CSMD1: variants seen among roughly 807,000 people sequenced by gnomAD.
The protein encoded by CSMD1 is CUB and Sushi multiple domains 1, also known as CUB and sushi domain-containing protein 1.
A neutral mutation model predicts 417.5 loss-of-function variants in CSMD1; 213 were observed. The ratio of observed to expected loss-of-function variants is 0.51; its 90% CI spans 0.46 to 0.57. The LOEUF (loss-of-function observed/expected upper bound fraction) is 0.57. CSMD1 is among the 20% of genes least tolerant of loss of function. CSMD1 has a pLI of 0.00. For synonymous variants in CSMD1, 2,862 were observed against 1,736.8 expected (o/e 1.65, Z -16.11); for missense variants, 6,923 against 4,529.7 (o/e 1.53, Z -15.17).
intron 3 of CSMD1, among the ~76,000 whole-genome samples, chr8:4,146,758 C>T (rs1001429359): frequency 6.7e-6 from 1 of 149,402 alleles, no homozygotes; most frequent in Non-Finnish European, 1.5e-5. Flanking sequence ...ACTACAGGCG[C>T]CCGGCACCAG....
intron 3 of CSMD1, among the ~76,000 whole-genome samples, chr8:4,269,245 T>G (rs957355521): frequency 6.6e-6 from 1 of 152,064 alleles, no homozygotes; most frequent in Admixed American, 6.6e-5. Context: ...TTAGCAGAGA[T>G]GAGGTTTCAC....
At chr8:4,933,865 A>G (rs1251645029) in intron 1 of CSMD1, among the ~76,000 whole-genome samples, 1 of 152,228 alleles carries the variant, frequency 6.6e-6, no homozygotes, top group Non-Finnish European at 1.5e-5. Context: ...ACAAAGATAC[A>G]TTGAGGCAGA....
intron 7 of CSMD1, among the ~76,000 whole-genome samples, chr8:3,687,439 T>C (rs1799996885): frequency 6.6e-6 from 1 of 152,196 alleles, no homozygotes. Context: ...TCAAATAAAT[T>C]ATGGAAGCAG....
intron 68 of CSMD1, among the ~76,000 whole-genome samples, chr8:2,943,179 G>A (rs1802005921): frequency 6.6e-6 from 1 of 151,530 alleles, no homozygotes; most frequent in Admixed American, 6.6e-5. Flanking sequence ...TTTCCATGAA[G>A]ACACAAAATA....
At chr8:3,273,184 G>A (rs371727008) in intron 26 of CSMD1, among the ~76,000 whole-genome samples, 38,221 of 146,650 alleles carry the variant, frequency 0.26, 5,260 homozygotes, top group African/African-American at 0.32. Flanking sequence ...CGTCTATTGA[G>A]ATAATCATGT....
intron 5 of CSMD1, among the ~76,000 whole-genome samples, chr8:3,913,200 G>T (rs1298794332): frequency 1.3e-5 from 2 of 152,134 alleles, no homozygotes; most frequent in Non-Finnish European, 2.9e-5. Flanking sequence ...ATATTGGTTG[G>T]AGGTCAGAAC....
chr8:4,625,644 TA>T (rs796205250), intron 2 of CSMD1, among the ~76,000 whole-genome samples: 85 of 150,990 alleles, frequency 5.6e-4, no homozygotes, highest in African/African-American at 1.3e-3. Flanking sequence ...ATATTTAATC[TA>T]AAAAAAAATG....
intron 3 of CSMD1, among the ~76,000 whole-genome samples, chr8:4,310,467 G>C (rs1055617121): frequency 1.3e-5 from 2 of 152,214 alleles, no homozygotes; most frequent in African/African-American, 4.8e-5. Flanking sequence ...AACAGCATGC[G>C]TTATCTTTTA....
Position 3,348,140 on chromosome 8 carries a change from T to G in CSMD1, c.3326A>C (p.Lys1109Thr). Reference protein sequence around the residue: ...RCVAECGASVKGNEGTLLSPN... With the variant: ...RCVAECGASVTGNEGTLLSPN... Reference sequence around the variant, plus strand: ...AGACAGTAATGTTCCTTCATTTCCTTTGACACTTGCTCCACATTCGGCTAC... The same window carrying G: ...AGACAGTAATGTTCCTTCATTTCCTGTGACACTTGCTCCACATTCGGCTAC... Residue 1109 changes from lysine (K) to threonine (T), a missense_variant, in exon 22 of 70, where the codon AAA (lysine) becomes ACA (threonine). Physicochemically the swap from Lys to Thr is moderately conservative, Grantham distance 78. Coordinates refer to ENST00000635120, the MANE Select transcript of CSMD1 (RefSeq NM_033225.6). 1 of 1,612,384 alleles carries G rather than the reference T, an allele frequency of 6.2e-7. No homozygotes were observed. Among genetic ancestry groups the G allele is most frequent in the Non-Finnish European group, 8.5e-7 (1 of 1,179,204 alleles).
At chr8:4,560,006 CTG>C (rs1798258585) in intron 2 of CSMD1, among the ~76,000 whole-genome samples, 1 of 152,200 alleles carries the variant, frequency 6.6e-6, no homozygotes, top group Admixed American at 6.5e-5. Flanking sequence ...TCAAGAGAAA[CTG>C]TGGTCAGAAA....
chr8:3,750,233 G>T (rs760036897), intron 6 of CSMD1, among the ~76,000 whole-genome samples: 1 of 151,852 alleles, frequency 6.6e-6, no homozygotes, highest in African/African-American at 2.4e-5. Context: ...AATGATAAAC[G>T]TGACTACAAT....
At chr8:4,841,911 CAAAAAAAA>C (rs397757527) in intron 1 of CSMD1, among the ~76,000 whole-genome samples, 2 of 34,850 alleles carry the variant, frequency 5.7e-5, no homozygotes, top group African/African-American at 1.7e-4. Flanking sequence ...AACTCCGTCT[CAAAAAAAA>C]AAAAAAAAAA....
chr8:3,126,017 G>C (rs1359960367), intron 41 of CSMD1, among the ~76,000 whole-genome samples: 1 of 152,166 alleles, frequency 6.6e-6, no homozygotes, highest in Non-Finnish European at 1.5e-5. Context: ...ATCAACACAT[G>C]AAGAAATCTA....
intron 6 of CSMD1, among the ~76,000 whole-genome samples, chr8:3,738,522 T>C (rs1796637597): frequency 1.3e-5 from 2 of 152,318 alleles, no homozygotes; most frequent in South Asian, 4.1e-4. Context: ...GAAATGCAAA[T>C]ACTGGTCCTG....
At chr8:3,462,083 T>A (rs1210776624) in intron 12 of CSMD1, among the ~76,000 whole-genome samples, 2 of 150,038 alleles carry the variant, frequency 1.3e-5, no homozygotes, top group African/African-American at 4.9e-5. Context: ...CTGTATTTGA[T>A]CCCAAGGGCA....
intron 2 of CSMD1, among the ~76,000 whole-genome samples, chr8:4,506,199 A>G (rs758628652): frequency 1.2e-4 from 19 of 152,164 alleles, no homozygotes; most frequent in Non-Finnish European, 1.9e-4. Flanking sequence ...GGAAAAAATG[A>G]CAATTACTTT....
chr8:4,666,504 C>G (rs575448609), intron 1 of CSMD1, among the ~76,000 whole-genome samples: 82 of 152,294 alleles, frequency 5.4e-4, no homozygotes, highest in African/African-American at 1.8e-3. Flanking sequence ...TACTAAGACC[C>G]TCCAGAACGG....
chr8:4,093,864 G>A (rs1352090373), intron 3 of CSMD1, among the ~76,000 whole-genome samples: 1 of 152,120 alleles, frequency 6.6e-6, no homozygotes, highest in East Asian at 1.9e-4. Context: ...GGAGGCTGAG[G>A]CAGGAGAATC....
chr8:4,157,515 G>A (rs1011355433), intron 3 of CSMD1, among the ~76,000 whole-genome samples: 2 of 152,072 alleles, frequency 1.3e-5, no homozygotes, highest in African/African-American at 2.4e-5. Context: ...TCAAAGAACT[G>A]GTTAAAGCAG....
Sources: allele counts gnomAD v4.1 joint callset (sites outside exome capture counted in the v4.1 genomes callset), GRCh38; gene constraint gnomAD v4.1.1; transcripts MANE v1.5; gene names NCBI Gene and HGNC (gene_info 2026-07-23, HGNC 2026-07-21).